BNIPL: variants seen among roughly 807,000 people sequenced by gnomAD.
BNIPL encodes the protein bcl-2/adenovirus E1B 19 kDa-interacting protein 2-like protein.
A neutral mutation model predicts 47.0 loss-of-function variants in BNIPL; 33 were observed. The ratio of observed to expected loss-of-function variants is 0.70; its 90% CI spans 0.53 to 0.94. The LOEUF is 0.94. Ranked by LOEUF, BNIPL falls within the 40% of genes least tolerant of loss-of-function variation. The pLI is 0.00. For missense variants in BNIPL, 404 were observed against 445.2 expected (o/e 0.91, Z 0.83); for synonymous variants, 145 against 162.7 (o/e 0.89, Z 0.83).
At chr1:151,039,900 G>A (rs1429745064) in intron 4 of BNIPL, among the ~76,000 whole-genome samples, 1 of 152,118 alleles carries the variant, frequency 6.6e-6, no homozygotes, top group East Asian at 1.9e-4. Flanking sequence ...ACAGATGTGT[G>A]CTATCACGTG....
At chr1:151,039,995 C>T (rs1201256717) in intron 4 of BNIPL, among the ~76,000 whole-genome samples, 4 of 152,180 alleles carry the variant, frequency 2.6e-5, no homozygotes, top group African/African-American at 9.7e-5. Flanking sequence ...AAGTGATCCA[C>T]CTGCCTTGGC....
rs1189618431 is a variant in BNIPL at position 151,043,351 on chromosome 1, C to T, written c.636C>T (p.Leu212=). Residue 212 remains leucine (L), a synonymous_variant, in exon 6 of 10, where the codon CTC becomes CTT. Transcript: ENST00000368931. ...LSHGGYHGDG[L]NAVILFASCY... is the part of the protein sequence containing the mutation. ...CTCCAGGTTACCACGGTGATGGCCT[C>T]AATGCTGTCATCCTTTTTGCTTCCT... 6.2e-7 allele frequency: 1 copy of T among 1,610,038 alleles called. No individual in the cohort carries two copies. The highest frequency in any genetic ancestry group is 1.7e-4 in the Middle Eastern group (1 of 6,056).
In BNIPL at chr1:151,043,447, G is replaced by A. The variant is rs758215721; in HGVS notation, c.719+13G>A. The A allele has an allele frequency of 2.2e-5, 34 of 1,577,922 alleles. No individual in the cohort carries two copies. The highest frequency in any genetic ancestry group is 1.8e-5 in the Non-Finnish European group (21 of 1,147,212). On this transcript the variant is annotated intron_variant, in intron 6 of 9. Transcript: ENST00000368931. ...AACACTTGTTTAGGTGAGGTGGAAG[G>A]CCTGAAGGGCTACAGGGCAGTGTTA...
Position 151,046,102 on chromosome 1 carries a change from G to C in BNIPL, c.974G>C (p.Ser325Thr). Residue 325 changes from serine to threonine, a missense_variant, in exon 9 of 10, where the codon AGC becomes ACC. Physicochemically the swap from Ser to Thr is moderately conservative, Grantham distance 58. Coordinates refer to ENST00000368931, the MANE Select transcript of BNIPL (RefSeq NM_138278.4). Reference protein sequence around the residue: ...KFTRKIRFLDSLGELAQLISL... With the variant: ...KFTRKIRFLDTLGELAQLISL... Reference sequence around the variant, plus strand: ...ACACGAAAAATCCGTTTTCTGGACAGCCTGGGGGAGCTGGCCCAACTCATA... The same window carrying C: ...ACACGAAAAATCCGTTTTCTGGACACCCTGGGGGAGCTGGCCCAACTCATA... The C allele has an allele frequency of 6.2e-7, 1 of 1,614,116 alleles. No homozygotes were observed. The highest frequency in any genetic ancestry group is 8.5e-7 in the Non-Finnish European group (1 of 1,180,034).
rs1340515538 is a variant in BNIPL at position 151,046,696 on chromosome 1, T to C, written c.*9T>C. The C allele has an allele frequency of 6.3e-7, 1 of 1,588,000 alleles. No homozygotes were observed. Among genetic ancestry groups the C allele is most frequent in the Admixed American group, 1.7e-5 (1 of 59,786 alleles). On this transcript the variant is annotated 3_prime_UTR_variant, in exon 10 of 10. Transcript: ENST00000368931. ...GCTCAGGAGGGACATAGCACAGGAC[T>C]GGATAAAAGGCCTTAGAACCAGTTA...
intron 4 of BNIPL, 151 bp from the exon 5 acceptor site, chr1:151,042,805 C>A (rs770762577): frequency 2.6e-5 from 16 of 624,346 alleles, no homozygotes; most frequent in Non-Finnish European, 3.5e-5. Context: ...CAGAGTGAGA[C>A]TCTGTCTCAA....
chr1:151,046,839 C>G lies in BNIPL; in HGVS notation c.*152C>G. ...AGTGGGATTTTGTCCTTTGCATGAC[C>G]CTACTTTCAGCAGGGCTTTGAGGCT... On this transcript the variant is annotated 3_prime_UTR_variant, in exon 10 of 10. Transcript: ENST00000368931. 1 of 581,840 alleles carries G rather than the reference C, an allele frequency of 1.7e-6. No homozygotes were observed. The highest frequency in any genetic ancestry group is 2.9e-5 in the South Asian group (1 of 35,082). The allele number at this position is 581,840 out of a possible 1,614,324, so 36.0% of individuals were successfully genotyped here. A position where few individuals can be genotyped will look rare whatever the true frequency, so the allele number is the denominator to read the frequency against.
chr1:151,043,609 A>G lies in BNIPL; in HGVS notation c.733A>G (p.Thr245Ala). ...TCATCCCCCCAGGTATATGGTGGGAACTCTGGAGCTGCTAGTAGCTGAAAA... is the reference window on the plus strand; with the variant it reads ...TCATCCCCCCAGGTATATGGTGGGAGCTCTGGAGCTGCTAGTAGCTGAAAA... ...MEHLFRYMVGTLELLVAENYL... is the reference protein window; with the variant it reads ...MEHLFRYMVGALELLVAENYL... Residue 245 changes from threonine to alanine, a missense_variant, in exon 7 of 10, where the codon ACT becomes GCT. Physicochemically the swap from Thr to Ala is moderately conservative, Grantham distance 58. Coordinates refer to ENST00000368931, the MANE Select transcript of BNIPL (RefSeq NM_138278.4). The G allele has an allele frequency of 1.9e-6, 3 of 1,611,534 alleles. No homozygotes were observed. The highest frequency in any genetic ancestry group is 1.1e-5 in the South Asian group (1 of 91,022).
At chr1:151,040,839 T>C (rs1397165551) in intron 4 of BNIPL, among the ~76,000 whole-genome samples, 1 of 149,220 alleles carries the variant, frequency 6.7e-6, no homozygotes, top group African/African-American at 2.5e-5. Flanking sequence ...TCTATTGCTA[T>C]GGAAAGATCA....
intron 1 of BNIPL, 127 bp downstream of exon 1, chr1:151,036,893 T>C: frequency 1.1e-6 from 1 of 944,142 alleles, no homozygotes; most frequent in South Asian, 1.4e-5. Flanking sequence ...TAAGAGAGTT[T>C]GCAGAGAAGA....
rs1270955711 is a variant in BNIPL, at chr1:151,043,119, G to A, written c.597G>A (p.Lys199=). The change falls in exon 5 of 10, where the codon AAG becomes AAA. Residue 199 remains lysine, a synonymous_variant. Coordinates refer to ENST00000368931, the MANE Select transcript of BNIPL (RefSeq NM_138278.4). ...ACATGACTGTCATTGAGCCCTATAA[G>A]AAAGTCCTGTCTCATGGAGGTAATG... ...RVDMTVIEPY[K]KVLSHGGYHG... 10 of 1,613,162 alleles carry A rather than the reference G, an allele frequency of 6.2e-6. No homozygotes were observed. The highest frequency in any genetic ancestry group is 8.5e-6 in the Non-Finnish European group (10 of 1,179,644).
chr1:151,038,000 CAAAAAAAAAAAAA>C (rs58423611), intron 2 of BNIPL, among the ~76,000 whole-genome samples: 6 of 63,958 alleles, frequency 9.4e-5, no homozygotes, highest in African/African-American at 1.9e-4. Context: ...AACTCTGTCT[CAAAAAAAAAAAAA>C]AAAAAAAAAA....
chr1:151,041,077 T>C (rs6657593), intron 4 of BNIPL, among the ~76,000 whole-genome samples: 120,634 of 151,480 alleles, frequency 0.8, 48,043 homozygotes, highest in East Asian at 0.91. Flanking sequence ...CCCAGCTACT[T>C]GGGAGGCTGA....
chr1:151,038,318 G>A lies in BNIPL; in HGVS notation c.138-186G>A, dbSNP rs1425744226. ...GAACCCTGGAGGTAGAGGCTGCAGT[G>A]AGCTGTGATTGTGCCACTGCATTCC... On this transcript the variant is annotated intron_variant, in intron 2 of 9. Coordinates refer to ENST00000368931, the MANE Select transcript of BNIPL (RefSeq NM_138278.4). 8 of 604,730 alleles carry A rather than the reference G, an allele frequency of 1.3e-5. No homozygotes were observed. The African/African-American group carries it at 1.5e-4, about 11-fold the overall frequency. The allele number at this position is 604,730 out of a possible 1,614,324, so 37.5% of individuals were successfully genotyped here.
Position 151,038,502 on chromosome 1 carries a change from A to AGATT in BNIPL, c.138_141dup. On this transcript the variant is annotated splice_acceptor_variant, in intron 2 of 9. Transcript: ENST00000368931. LOFTEE classifies it high-confidence loss of function. Reference sequence around the variant, plus strand: ...GCCGCCTTTTAATCTCTTCCCCTCTAGATTGCTTCCTGAGGAGGCTGGCAC... The same window carrying AGATT: ...GCCGCCTTTTAATCTCTTCCCCTCTAGATTGATTGCTTCCTGAGGAGGCTGGCAC... 2 of 1,609,896 alleles carry AGATT rather than the reference A, an allele frequency of 1.2e-6. No individual in the cohort carries two copies. Among genetic ancestry groups the AGATT allele is most frequent in the Non-Finnish European group, 1.7e-6 (2 of 1,176,292 alleles).
Position 151,046,175 on chromosome 1 carries a change from AC to A in BNIPL, c.1037+11del. 6.2e-7 allele frequency: 1 copy of A among 1,614,070 alleles called. No homozygotes were observed. Among genetic ancestry groups the A allele is most frequent in the African/African-American group, 1.3e-5 (1 of 75,020 alleles). On this transcript the variant is annotated intron_variant, in intron 9 of 9. Transcript: ENST00000368931. ...CTGAAGCTGTCAGACAGTGAGTTTC[AC>A]ACTTAAGAATAAAGCCTTGGGGTGG...
In BNIPL at chr1:151,045,841, G is replaced by C. The variant is rs755270992; in HGVS notation, c.896G>C (p.Trp299Ser). Residue 299 changes from tryptophan (W) to serine (S), a missense_variant, in exon 8 of 10, where the codon TGG (tryptophan) becomes TCG (serine). Trp to Ser is a radical substitution (Grantham distance 177). Transcript: ENST00000368931. The stretch of plus-strand genomic sequence containing the variant: ...GCCCTGGTGGTTGTCCATGCTACAT[G>C]GTATGTGAAAGCATTTCTGGCACTG... ...LRALVVVHATWYVKAFLALLR... is the reference protein window; with the variant it reads ...LRALVVVHATSYVKAFLALLR... 4 of 1,614,148 alleles carry C rather than the reference G, an allele frequency of 2.5e-6. No individual in the cohort carries two copies. Among genetic ancestry groups the C allele is most frequent in the Non-Finnish European group, 2.5e-6 (3 of 1,180,030 alleles).
rs756275551 is a variant in BNIPL, at chr1:151,043,700, G to A, written c.824G>A (p.Arg275His). The change falls in exon 7 of 10, where the codon CGT (arginine) becomes CAT (histidine). Residue 275 changes from arginine (R) to histidine (H), a missense_variant. Transcript: ENST00000368931. ...CAAGTTCCACCTCTAAGCTGGATAC[G>A]TCAGTGTTACCGTACCCTGGATCGG... is the stretch of plus-strand genomic sequence containing the variant. Reference protein sequence around the residue: ...RAQVPPLSWIRQCYRTLDRRL... With the variant: ...RAQVPPLSWIHQCYRTLDRRL... The A allele has an allele frequency of 4.3e-5, 69 of 1,613,856 alleles. No homozygotes were observed. The highest frequency in any genetic ancestry group is 6.7e-5 in the Admixed American group (4 of 59,988).
At chr1:151,038,711 A>T in intron 3 of BNIPL, 85 bp from the exon 4 acceptor site, 1 of 1,554,228 alleles carries the variant, frequency 6.4e-7, no homozygotes, top group Non-Finnish European at 8.7e-7. Flanking sequence ...ACCCCATATT[A>T]TCACTTTCAC....
Sources: allele counts gnomAD v4.1 joint callset (sites outside exome capture counted in the v4.1 genomes callset), GRCh38; gene constraint gnomAD v4.1.1; transcripts MANE v1.5; gene names NCBI Gene and HGNC (gene_info 2026-07-23, HGNC 2026-07-21).